IFT81: variants seen among roughly 807,000 people sequenced by gnomAD.
The protein encoded by IFT81 is intraflagellar transport 81.
A neutral mutation model predicts 102.6 loss-of-function variants in IFT81; 72 were observed. That is an observed-to-expected ratio of 0.70 (90% CI 0.58 to 0.85). IFT81 has a LOEUF of 0.85. IFT81 is among the 40% of genes least tolerant of loss of function. IFT81 has a pLI of 0.00. For missense variants in IFT81, 723 were observed against 787.3 expected (o/e 0.92, Z 0.98); for synonymous variants, 237 against 242.7 (o/e 0.98, Z 0.22).
At chr12:110,127,764 T>C (rs2137291305) in intron 2 of IFT81, among the ~76,000 whole-genome samples, 1 of 152,350 alleles carries the variant, frequency 6.6e-6, no homozygotes. Context: ...GGAATGAAAA[T>C]TCTTTTACAA....
rs1347130655 is a variant in IFT81 at position 110,192,669 on chromosome 12, T to A, written c.1520T>A (p.Val507Asp). The part of the protein sequence containing the change: ...VSEKKSALAS[V>D]IKELRQLRQK... The stretch of plus-strand genomic sequence containing the variant: ...GAAAAGAAGTCAGCTCTTGCCTCAG[T>A]TATAAAAGAGCTACGACAGTTGCGT... The change falls in exon 14 of 19, where the codon GTT becomes GAT. Residue 507 changes from valine to aspartate, a missense_variant. Physicochemically the swap from Val to Asp is radical, Grantham distance 152. Transcript: ENST00000242591. 1 of 1,593,978 alleles carries A rather than the reference T, an allele frequency of 6.3e-7. No homozygotes were observed. Among genetic ancestry groups the A allele is most frequent in the Non-Finnish European group, 8.5e-7 (1 of 1,171,378 alleles).
At position 110,137,148 on chromosome 12, in the gene IFT81, T is replaced by G. The variant is rs529076000; in HGVS notation, c.781+288T>G. Among the ~76,000 whole-genome samples, 243 of 152,340 alleles carry G rather than the reference T, an allele frequency of 1.6e-3. 1 individual carries two copies. The highest frequency in any genetic ancestry group is 2.8e-3 in the Non-Finnish European group (193 of 68,032). On this transcript the variant is annotated intron_variant, in intron 8 of 18. Transcript: ENST00000242591. ...AGAGGTCAGGAGTTCGAGACCAGCC[T>G]AGCCAACATGGCGAAACCCCATCTC... is the stretch of plus-strand genomic sequence containing the variant.
At chr12:110,138,090 A>G (rs2137331253) in intron 8 of IFT81, among the ~76,000 whole-genome samples, 1 of 152,320 alleles carries the variant, frequency 6.6e-6, no homozygotes, top group Non-Finnish European at 1.5e-5. Flanking sequence ...TTTGTACTGG[A>G]GAACTATCCC....
Position 110,156,974 on chromosome 12 carries a change from CT to C in IFT81, c.1042-5943del, listed in dbSNP as rs376723361. Among the ~76,000 whole-genome samples the C allele has an allele frequency of 1.8e-4, 27 of 151,232 alleles. No homozygotes were observed. In the South Asian group the frequency reaches 5.4e-3, roughly 30 times the overall value. Reference sequence around the variant, plus strand: ...ATGTGACTAGTCAGTCTCTTGATGCCTTCAGAATGTTCTCTTTGCCTTTGGC... The same window carrying C: ...ATGTGACTAGTCAGTCTCTTGATGCCTCAGAATGTTCTCTTTGCCTTTGGC... On this transcript the variant is annotated intron_variant, in intron 10 of 18. Coordinates refer to ENST00000242591, the MANE Select transcript of IFT81 (RefSeq NM_014055.4).
intron 8 of IFT81, among the ~76,000 whole-genome samples, chr12:110,137,631 G>C (rs1284646486): frequency 6.6e-6 from 1 of 151,610 alleles, no homozygotes; most frequent in Admixed American, 6.6e-5. Flanking sequence ...AGCTACTCAG[G>C]ATGCTGCGGC....
intron 8 of IFT81, among the ~76,000 whole-genome samples, chr12:110,141,190 C>T (rs1894867243): frequency 6.6e-6 from 1 of 151,686 alleles, no homozygotes; most frequent in African/African-American, 2.4e-5. Flanking sequence ...GCATGGGTCA[C>T]CATGCCCGGC....
intron 4 of IFT81, among the ~76,000 whole-genome samples, chr12:110,131,040 T>TAA: frequency 6.6e-6 from 1 of 152,262 alleles, no homozygotes; most frequent in South Asian, 2.1e-4. Flanking sequence ...CCTAGCACTT[T>TAA]GGGAGGCCAA....
At chr12:110,190,371 A>G (rs1897737655) in intron 12 of IFT81, among the ~76,000 whole-genome samples, 1 of 152,120 alleles carries the variant, frequency 6.6e-6, no homozygotes, top group South Asian at 2.1e-4. Flanking sequence ...CTTTGCTCAG[A>G]TGTCATCTTC....
chr12:110,153,473 A>G lies in IFT81; in HGVS notation c.1041+6425A>G, dbSNP rs556889189. On this transcript the variant is annotated intron_variant, in intron 10 of 18. Coordinates refer to ENST00000242591, the MANE Select transcript of IFT81 (RefSeq NM_014055.4). ...GTCAGGGTGGTCTTGAACTGACCTC[A>G]GCCGATCCACCTGCCTCGGCTGCCA... 1.6e-3 allele frequency among the ~76,000 whole-genome samples: 239 copies of G among 150,400 alleles called. 1 individual carries two copies. Among genetic ancestry groups the G allele is most frequent in the Non-Finnish European group, 2.9e-3 (193 of 67,664 alleles).
intron 10 of IFT81, among the ~76,000 whole-genome samples, chr12:110,153,995 T>A (rs1593307200): frequency 6.6e-6 from 1 of 151,388 alleles, no homozygotes; most frequent in Non-Finnish European, 1.5e-5. Context: ...GTTGGGATAT[T>A]TTTTTTTAGA....
chr12:110,162,913 A>C lies in IFT81; in HGVS notation c.1042-6A>C. 6.2e-7 allele frequency: 1 copy of C among 1,601,882 alleles called. No individual in the cohort carries two copies. On this transcript the variant is annotated splice_polypyrimidine_tract_variant and splice_region_variant and intron_variant, in intron 10 of 18. Transcript: ENST00000242591. ...TATTATACCTTCATATTTAATGCTCAATCAGGCATCTATCATTTCCCGTAA... is the reference window on the plus strand; with the variant it reads ...TATTATACCTTCATATTTAATGCTCCATCAGGCATCTATCATTTCCCGTAA...
At chr12:110,190,813 A>C (rs1897759328) in intron 12 of IFT81, 107 bp from the exon 13 acceptor site, 1 of 988,398 alleles carries the variant, frequency 1.0e-6, no homozygotes, top group South Asian at 2.5e-5. Flanking sequence ...ATTCTAAACT[A>C]ATTAATTCTA....
chr12:110,218,046 A>T lies in IFT81; in HGVS notation c.1851A>T (p.Lys617Asn). The T allele has an allele frequency of 6.3e-7, 1 of 1,593,104 alleles. No homozygotes were observed. The highest frequency in any genetic ancestry group is 8.5e-7 in the Non-Finnish European group (1 of 1,171,938). The change falls in exon 19 of 19, where the codon AAA becomes AAT. Residue 617 changes from lysine to asparagine, a missense_variant and splice_region_variant. Transcript: ENST00000242591. Reference protein sequence around the residue: ...NTAEQENLGKKLREKQKVIRE... With the variant: ...NTAEQENLGKNLREKQKVIRE... ...TTCTTGTTTTTTTTTAATGATAGAA[A>T]CTTCGGGAAAAACAAAAAGTTATAC... is the stretch of plus-strand genomic sequence containing the variant.
Position 110,136,805 on chromosome 12 carries a change from A to G in IFT81, c.726A>G (p.Arg242=), listed in dbSNP as rs765911336. Residue 242 remains arginine, a synonymous_variant, in exon 8 of 19, where the codon AGA becomes AGG. Coordinates refer to ENST00000242591, the MANE Select transcript of IFT81 (RefSeq NM_014055.4). ...QLFHAVQRLQ[R]VQNQLKSMRQ... ...TTCATGCAGTGCAAAGATTGCAAAG[A>G]GTACAAAACCAGCTGAAAAGCATGC... 2.7e-5 allele frequency: 44 copies of G among 1,612,390 alleles called. No individual in the cohort carries two copies. The highest frequency in any genetic ancestry group is 1.7e-6 in the Non-Finnish European group (2 of 1,178,866).
intron 10 of IFT81, among the ~76,000 whole-genome samples, chr12:110,151,981 G>A (rs1356723437): frequency 1.3e-5 from 2 of 152,052 alleles, no homozygotes; most frequent in Admixed American, 6.6e-5. Flanking sequence ...GTAAATGACA[G>A]GATTTCCTTC....
At chr12:110,171,280 T>C (rs1267857652) in intron 11 of IFT81, among the ~76,000 whole-genome samples, 1 of 151,412 alleles carries the variant, frequency 6.6e-6, no homozygotes, top group Admixed American at 6.6e-5. Flanking sequence ...TTTTTTTTTC[T>C]GGAGAATTAA....
At chr12:110,211,350 A>G (rs1593379401) in intron 18 of IFT81, among the ~76,000 whole-genome samples, 1 of 151,970 alleles carries the variant, frequency 6.6e-6, no homozygotes, top group African/African-American at 2.4e-5. Flanking sequence ...GGCAGGAGCT[A>G]GTTTTTTTGG....
intron 10 of IFT81, among the ~76,000 whole-genome samples, chr12:110,159,185 T>A (rs1896008651): frequency 6.6e-6 from 1 of 152,198 alleles, no homozygotes; most frequent in Non-Finnish European, 1.5e-5. Flanking sequence ...AAAGTTAAGA[T>A]AGGCTGGGCA....
chr12:110,127,631 C>T (rs1460877920), intron 2 of IFT81, 107 bp downstream of exon 2: 5 of 1,011,260 alleles, frequency 4.9e-6, no homozygotes, highest in Non-Finnish European at 5.5e-6. Context: ...CTTTATTTTC[C>T]ATGTCTGTAA....
Sources: allele counts gnomAD v4.1 joint callset (sites outside exome capture counted in the v4.1 genomes callset), GRCh38; gene constraint gnomAD v4.1.1; transcripts MANE v1.5; gene names NCBI Gene and HGNC (gene_info 2026-07-23, HGNC 2026-07-21).